SORBS2: variants seen among roughly 807,000 people sequenced by gnomAD.
SORBS2 encodes the protein sorbin and SH3 domain containing 2, also known as sorbin and SH3 domain-containing protein 2.
A neutral mutation model predicts 97.7 loss-of-function variants in SORBS2; 46 were observed. The observed-to-expected ratio is 0.47, with a 90% confidence interval of 0.37 to 0.60. SORBS2 has a LOEUF of 0.60. Ranked by LOEUF, SORBS2 falls within the 20% of genes least tolerant of loss-of-function variation. SORBS2 has a pLI of 0.00. For missense variants in SORBS2, 1,316 were observed against 1,282.3 expected (o/e 1.03, Z -0.40); for synonymous variants, 476 against 473.4 (o/e 1.01, Z -0.07).
At chr4:185,647,229 G>A (rs1036033447) in intron 3 of SORBS2, among the ~76,000 whole-genome samples, 12 of 152,256 alleles carry the variant, frequency 7.9e-5, no homozygotes, top group African/African-American at 2.6e-4. Flanking sequence ...GTGTGGAACA[G>A]GAGGTCGTCT....
At chr4:185,814,497 C>T (rs1302964116) in intron 1 of SORBS2, among the ~76,000 whole-genome samples, 1 of 152,188 alleles carries the variant, frequency 6.6e-6, no homozygotes, top group African/African-American at 2.4e-5. Flanking sequence ...GCTGTGATCA[C>T]ATGACTGCAT....
chr4:185,656,578 C>T (rs372006155), intron 1 of SORBS2: 79 of 1,444,528 alleles, frequency 5.5e-5, no homozygotes, highest in Non-Finnish European at 7.3e-5. Flanking sequence ...AAAGTATATG[C>T]AGCTGCAGTC....
chr4:185,696,316 C>T (rs2098174311), intron 2 of SORBS2, among the ~76,000 whole-genome samples: 1 of 152,168 alleles, frequency 6.6e-6, no homozygotes, highest in Non-Finnish European at 1.5e-5. Context: ...TCAATTTTCC[C>T]TAAAGACTTT....
At chr4:185,951,314 C>T (rs1259750827) in intron 1 of SORBS2, among the ~76,000 whole-genome samples, 5 of 152,138 alleles carry the variant, frequency 3.3e-5, no homozygotes, top group Non-Finnish European at 7.3e-5. Flanking sequence ...CCATGCCTCC[C>T]ATGTCTGACA....
chr4:185,813,510 G>C (rs1344799453), intron 1 of SORBS2, among the ~76,000 whole-genome samples: 3 of 152,198 alleles, frequency 2.0e-5, no homozygotes, highest in East Asian at 1.9e-4. Context: ...TCTCACTGAA[G>C]TTCCCTTCCC....
At chr4:185,936,252 A>G (rs1209371994) in intron 1 of SORBS2, among the ~76,000 whole-genome samples, 2 of 152,226 alleles carry the variant, frequency 1.3e-5, no homozygotes, top group Admixed American at 6.5e-5. Flanking sequence ...CTTCACAAGA[A>G]AAGCACCAAG....
At chr4:185,659,583 A>T (rs1271138488), upstream of SORBS2, among the ~76,000 whole-genome samples, 1 of 148,494 alleles carries the variant, frequency 6.7e-6, no homozygotes, top group Non-Finnish European at 1.5e-5. Context: ...CGCCCAGCTA[A>T]TTTTTTTTTT....
At chr4:185,780,334 C>T (rs933259732) in intron 1 of SORBS2, among the ~76,000 whole-genome samples, 2 of 152,068 alleles carry the variant, frequency 1.3e-5, no homozygotes, top group African/African-American at 2.4e-5. Context: ...ACCTTTTATG[C>T]TTGTCTGCTT....
At chr4:185,588,943 T>C (rs527288002) in intron 14 of SORBS2, among the ~76,000 whole-genome samples, 7 of 151,966 alleles carry the variant, frequency 4.6e-5, no homozygotes, top group Admixed American at 2.0e-4. Flanking sequence ...GGAAATAAAA[T>C]CAGAGGCTTG....
chr4:185,905,496 T>C (rs2099250266), intron 1 of SORBS2, among the ~76,000 whole-genome samples: 1 of 152,242 alleles, frequency 6.6e-6, no homozygotes. Flanking sequence ...AGCAAAACAG[T>C]ATTCCCTTCC....
chr4:185,868,147 C>CTTTTTTCTTTTTTTTTTTT (rs1554043746), intron 1 of SORBS2, among the ~76,000 whole-genome samples: 1 of 89,766 alleles, frequency 1.1e-5, no homozygotes, highest in Non-Finnish European at 2.2e-5. Flanking sequence ...CTTTTCTTTT[C>CTTTTTTCTTTTTTTTTTTT]TTTTTTTCTT....
At chr4:185,658,416 A>T (rs912402257), upstream of SORBS2, among the ~76,000 whole-genome samples, 2 of 4,940 alleles carry the variant, frequency 4.0e-4, no homozygotes, top group Non-Finnish European at 1.2e-3. Context: ...AGGAATTTTA[A>T]AAAAATCATC....
intron 1 of SORBS2, among the ~76,000 whole-genome samples, chr4:185,859,787 G>A (rs998145330): frequency 6.6e-6 from 1 of 152,184 alleles, no homozygotes; most frequent in African/African-American, 2.4e-5. Flanking sequence ...GCATATGGCA[G>A]AGGCAATAGA....
At chr4:185,921,211 T>C (rs2099260770) in intron 1 of SORBS2, among the ~76,000 whole-genome samples, 1 of 152,246 alleles carries the variant, frequency 6.6e-6, no homozygotes, top group African/African-American at 2.4e-5. Flanking sequence ...GCTTTAATCT[T>C]TTCCTTGGCA....
intron 1 of SORBS2, among the ~76,000 whole-genome samples, chr4:185,886,351 T>G (rs12508170): frequency 5.3e-5 from 8 of 151,548 alleles, no homozygotes; most frequent in Non-Finnish European, 7.4e-5. Context: ...GTCAGGAGAT[T>G]GAGGCCAGCC....
At chr4:185,873,587 A>T (rs918442715) in intron 1 of SORBS2, among the ~76,000 whole-genome samples, 9 of 152,232 alleles carry the variant, frequency 5.9e-5, no homozygotes, top group Admixed American at 5.9e-4. Flanking sequence ...TGCTGCTAAG[A>T]GCTGATCAAA....
At chr4:185,703,044 A>G (rs1021622353) in intron 2 of SORBS2, among the ~76,000 whole-genome samples, 1 of 152,186 alleles carries the variant, frequency 6.6e-6, no homozygotes, top group Non-Finnish European at 1.5e-5. Context: ...ATATTAACAC[A>G]TGTCCAAGCC....
intron 1 of SORBS2, among the ~76,000 whole-genome samples, chr4:185,846,303 C>G (rs529192682): frequency 6.6e-6 from 1 of 152,310 alleles, no homozygotes; most frequent in African/African-American, 2.4e-5. Flanking sequence ...ACCCAAAAGA[C>G]TAAGTATTGC....
At chr4:185,705,579 T>A (rs890229771) in intron 2 of SORBS2, among the ~76,000 whole-genome samples, 37 of 152,142 alleles carry the variant, frequency 2.4e-4, no homozygotes, top group Admixed American at 1.0e-3. Context: ...TAAAAAAAAA[T>A]TCCTTAAAGT....
Sources: allele counts gnomAD v4.1 joint callset (sites outside exome capture counted in the v4.1 genomes callset), GRCh38; gene constraint gnomAD v4.1.1; transcripts MANE v1.5; gene names NCBI Gene and HGNC (gene_info 2026-07-23, HGNC 2026-07-21).